The following TUBB8B variants were observed in gnomAD, a reference collection of about 807,000 sequenced individuals.
TUBB8B encodes the protein HSA18p11 beta-tubulin 4Q pseudogene.
TUBB8B carries 26 observed loss-of-function variants against 31.9 expected under a neutral mutation model. The ratio of observed to expected loss-of-function variants is 0.81; its 90% CI spans 0.60 to 1.13. The LOEUF is 1.13. TUBB8B is among the 50% of genes most tolerant of loss of function. TUBB8B has a pLI of 0.00. For synonymous variants in TUBB8B, 173 were observed against 231.0 expected, an observed-to-expected ratio of 0.75 and a Z score of 2.28; for missense variants, 467 against 586.7, an observed-to-expected ratio of 0.80 and a Z score of 2.11.
rs765549392 is a variant in TUBB8B, at chr18:47,759, G to A, written c.966C>T (p.Pro322=). 13 of 1,611,264 alleles carry A rather than the reference G, an allele frequency of 8.1e-6. No homozygotes were observed. Among genetic ancestry groups the A allele is most frequent in the Non-Finnish European group, 1.0e-5 (12 of 1,179,098 alleles). The change falls in exon 4 of 4, where the codon CCC becomes CCT. Residue 322 remains proline, a synonymous_variant. Coordinates refer to ENST00000308911, the MANE Select transcript of TUBB8B (RefSeq NM_001358689.2). ...ACATTTGTTCATCCACCTCCCTCAT[G>A]GGCATGCGACCCCTGAAAATGGCAG... ...TVAAIFRGRM[P]MREVDEQMFN... is the part of the protein sequence containing the mutation.
upstream of TUBB8B, chr18:50,097 T>C (rs1906015612): frequency 2.8e-6 from 1 of 356,598 alleles, no homozygotes. Context: ...TAGTCAGGCG[T>C]CTGATTTAGC....
the TUBB8B span, among the ~76,000 whole-genome samples, chr18:69,071 C>T: frequency 2.6e-5 from 4 of 152,314 alleles, no homozygotes; most frequent in Non-Finnish European, 4.4e-5. Context: ...GAATCACCCG[C>T]AATTTGTAGA....
the TUBB8B span, among the ~76,000 whole-genome samples, chr18:61,005 T>C: frequency 6.6e-6 from 1 of 151,742 alleles, no homozygotes; most frequent in Non-Finnish European, 1.5e-5. Context: ...CTGATGTTTC[T>C]TTGTTGATTT....
chr18:70,349 G>GGACATTAAAAAA, the TUBB8B span, among the ~76,000 whole-genome samples: 1 of 151,922 alleles, frequency 6.6e-6, no homozygotes, highest in African/African-American at 2.4e-5. Context: ...AAGGACCCCA[G>GGACATTAAAAAA]GGACAGGGCA....
chr18:68,991 T>G, the TUBB8B span, among the ~76,000 whole-genome samples: 1 of 152,238 alleles, frequency 6.6e-6, no homozygotes, highest in Admixed American at 6.5e-5. Flanking sequence ...GTGTGGTATC[T>G]AACAGTAGTA....
chr18:47,557 T>A lies in TUBB8B; in HGVS notation c.1168A>T (p.Arg390Trp). 3 of 1,611,264 alleles carry A rather than the reference T, an allele frequency of 1.9e-6. No homozygotes were observed. Among genetic ancestry groups the A allele is most frequent in the Non-Finnish European group, 2.5e-6 (3 of 1,178,500 alleles). Residue 390 changes from arginine (R) to tryptophan (W), a missense_variant, in exon 4 of 4, where the codon AGG becomes TGG. By Grantham distance (101) the Arg-to-Trp change is moderately radical. This residue lies in a region of TUBB8B where 208 missense variants were observed against 206.7 expected (regional missense o/e 1.01). Coordinates refer to ENST00000308911, the MANE Select transcript of TUBB8B (RefSeq NM_001358689.2). ...CVSEQFTAMF[R>W]RKAFLHWYTG... ...TACCAGTGGAGGAAGGCCTTGCGCCTGAACATTGCTGTAAACTGCTCTGAG... is the reference window on the plus strand; with the variant it reads ...TACCAGTGGAGGAAGGCCTTGCGCCAGAACATTGCTGTAAACTGCTCTGAG...
At chr18:72,990 A>G in the TUBB8B span, among the ~76,000 whole-genome samples, 1 of 152,114 alleles carries the variant, frequency 6.6e-6, no homozygotes, top group Admixed American at 6.6e-5. Context: ...AAAACAAAAA[A>G]TGAGCACTGA....
chr18:67,088 C>A, the TUBB8B span, among the ~76,000 whole-genome samples: 1 of 151,348 alleles, frequency 6.6e-6, no homozygotes, highest in Non-Finnish European at 1.5e-5. Context: ...CTCTGCCTCC[C>A]GGGTTCAAGC....
At chr18:66,473 C>T in the TUBB8B span, among the ~76,000 whole-genome samples, 1 of 146,364 alleles carries the variant, frequency 6.8e-6, no homozygotes, top group Non-Finnish European at 1.5e-5. Context: ...ATCACTTGAG[C>T]CCCGGAGATA....
At chr18:70,635 AAAAAAG>A in the TUBB8B span, among the ~76,000 whole-genome samples, 1 of 151,894 alleles carries the variant, frequency 6.6e-6, no homozygotes, top group Admixed American at 6.6e-5. Flanking sequence ...ACTGCATCTC[AAAAAAG>A]AAAAAGAAAA....
chr18:48,896 G>T, intron 3 of TUBB8B, 44 bp downstream of exon 3: 1 of 1,359,548 alleles, frequency 7.4e-7, no homozygotes, highest in African/African-American at 1.4e-5. Flanking sequence ...ATTTTGAGCT[G>T]CCCTGGCTAA....
the TUBB8B span, among the ~76,000 whole-genome samples, chr18:56,598 T>C: frequency 1.3e-5 from 2 of 152,046 alleles, no homozygotes; most frequent in African/African-American, 2.4e-5. Flanking sequence ...AGGGTTACTT[T>C]TTTGAATTCT....
the TUBB8B span, among the ~76,000 whole-genome samples, chr18:66,850 G>A: frequency 2.0e-5 from 3 of 152,170 alleles, no homozygotes; most frequent in East Asian, 1.9e-4. Flanking sequence ...TCTGTAGGTG[G>A]CTTTGTGTAG....
At chr18:70,488 T>C in the TUBB8B span, among the ~76,000 whole-genome samples, 3 of 146,064 alleles carry the variant, frequency 2.1e-5, no homozygotes. Context: ...CACAAAAAAT[T>C]ACCCAGGCAT....
At position 48,539 on chromosome 18, in the gene TUBB8B, GA is replaced by G. The variant is rs1600575782; in HGVS notation, c.278-93del. On this transcript the variant is annotated intron_variant, in intron 3 of 3. Coordinates refer to ENST00000308911, the MANE Select transcript of TUBB8B (RefSeq NM_001358689.2). ...GCAGAAAGGGCCAAGTGTCACATGT[GA>G]GGTGAAAGCACCATTCGCCCTGCAG... 4 of 964,670 alleles carry G rather than the reference GA, an allele frequency of 4.1e-6. No homozygotes were observed. In the East Asian group the frequency reaches 1.0e-4, roughly 25 times the overall value. The allele number at this position is 964,670 out of a possible 1,614,324, so 59.8% of individuals were successfully genotyped here.
At chr18:65,903 C>T in the TUBB8B span, among the ~76,000 whole-genome samples, 1 of 152,154 alleles carries the variant, frequency 6.6e-6, no homozygotes, top group East Asian at 1.9e-4. Flanking sequence ...TTTCCAGACA[C>T]TAGCAACAAA....
the TUBB8B span, among the ~76,000 whole-genome samples, chr18:69,511 T>C: frequency 1.3e-5 from 2 of 152,104 alleles, no homozygotes; most frequent in African/African-American, 4.8e-5. Context: ...TCTCTTCTGC[T>C]GCCTCCTAAA....
the TUBB8B span, among the ~76,000 whole-genome samples, chr18:72,177 CAAA>C: frequency 2.4e-4 from 19 of 78,724 alleles, no homozygotes; most frequent in South Asian, 1.2e-3. Flanking sequence ...GACTCCATCT[CAAA>C]AAAAAAAAAA....
At chr18:68,747 G>A in the TUBB8B span, among the ~76,000 whole-genome samples, 2 of 152,076 alleles carry the variant, frequency 1.3e-5, no homozygotes, top group African/African-American at 4.8e-5. Flanking sequence ...TTAGAACAAG[G>A]ACCACAGGAC....
Sources: gnomAD v4.1 joint callset for allele counts (sites outside exome capture counted in the v4.1 genomes callset) on GRCh38, gnomAD v4.1.1 for gene constraint, gnomAD v4.1.1 regional missense constraint, MANE v1.5 for transcripts, NCBI Gene and HGNC (gene_info 2026-07-23, HGNC 2026-07-21) for gene names.